Variants in SDK1 observed in about 807,000 individuals in gnomAD.
SDK1 encodes the protein sidekick cell adhesion molecule 1, also known as protein sidekick-1.
SDK1 carries 157 observed loss-of-function variants against 245.5 expected under a neutral mutation model. The observed-to-expected ratio is 0.64, with a 90% confidence interval of 0.56 to 0.73. The LOEUF is 0.73. Among genes scored for constraint, SDK1 ranks in the 30% least tolerant of loss-of-function variants. The probability of loss-of-function intolerance (pLI) is 0.00; values close to 1 mark genes in which losing one functional copy is unlikely to be tolerated. For synonymous variants in SDK1, 1,647 were observed against 1,278.5 expected, an observed-to-expected ratio of 1.29 and a Z score of -6.15; for missense variants, 3,583 against 3,002.3, an observed-to-expected ratio of 1.19 and a Z score of -4.52.
At chr7:3,346,736 TAC>T (rs1562430017) in intron 1 of SDK1, among the ~76,000 whole-genome samples, 1 of 140,250 alleles carries the variant, frequency 7.1e-6, no homozygotes, top group Non-Finnish European at 1.5e-5. Context: ...CATATATATA[TAC>T]ACGTATATAT....
intron 1 of SDK1, among the ~76,000 whole-genome samples, chr7:3,500,406 A>C (rs2128607921): frequency 6.6e-6 from 1 of 152,128 alleles, no homozygotes; most frequent in South Asian, 2.1e-4. Context: ...CCTCTTTCTT[A>C]GATTTACTGG....
At chr7:3,669,870 C>T (rs1161512900) in intron 4 of SDK1, among the ~76,000 whole-genome samples, 3 of 152,050 alleles carry the variant, frequency 2.0e-5, no homozygotes, top group Non-Finnish European at 4.4e-5. Context: ...CTTTTTTCTT[C>T]ATTGACCCTA....
intron 1 of SDK1, among the ~76,000 whole-genome samples, chr7:3,458,079 G>A (rs530033968): frequency 6.6e-6 from 1 of 151,988 alleles, no homozygotes; most frequent in Non-Finnish European, 1.5e-5. Context: ...TTTTTTGTGT[G>A]TGTGTGTTTT....
At chr7:4,041,451 C>A (rs183621985) in intron 17 of SDK1, among the ~76,000 whole-genome samples, 5 of 152,246 alleles carry the variant, frequency 3.3e-5, no homozygotes, top group African/African-American at 1.2e-4. Context: ...TACCTTGATA[C>A]ATCACTACCC....
At chr7:3,832,661 A>G (rs372158622) in intron 5 of SDK1, among the ~76,000 whole-genome samples, 10 of 152,216 alleles carry the variant, frequency 6.6e-5, no homozygotes, top group African/African-American at 1.9e-4. Context: ...AATGGAATTT[A>G]TATCAGAAAT....
chr7:3,906,545 A>G (rs7777325), intron 5 of SDK1, among the ~76,000 whole-genome samples: 3 of 149,952 alleles, frequency 2.0e-5, no homozygotes, highest in Non-Finnish European at 3.0e-5. Flanking sequence ...GCTGGTTTCA[A>G]TGGTTTAGAG....
intron 1 of SDK1, among the ~76,000 whole-genome samples, chr7:3,361,983 T>C (rs1780964947): frequency 6.6e-6 from 1 of 152,238 alleles, no homozygotes; most frequent in Non-Finnish European, 1.5e-5. Context: ...TATGTCTTGG[T>C]ACCACGCTTT....
chr7:3,838,493 C>T (rs1479149746), intron 5 of SDK1, among the ~76,000 whole-genome samples: 1 of 152,218 alleles, frequency 6.6e-6, no homozygotes, highest in Non-Finnish European at 1.5e-5. Flanking sequence ...GAGCACAAGG[C>T]TGGAGTCAGC....
chr7:3,579,935 T>A (rs1780427764), intron 1 of SDK1, among the ~76,000 whole-genome samples: 1 of 152,354 alleles, frequency 6.6e-6, no homozygotes, highest in Admixed American at 6.5e-5. Context: ...ATAAACAATT[T>A]CAGCAAAGTT....
At chr7:3,833,273 C>G (rs190335145) in intron 5 of SDK1, among the ~76,000 whole-genome samples, 1 of 152,086 alleles carries the variant, frequency 6.6e-6, no homozygotes, top group Non-Finnish European at 1.5e-5. Flanking sequence ...TGGCCCCGTG[C>G]GGTAGTTTGC....
chr7:3,381,183 A>G (rs570197420), intron 1 of SDK1, among the ~76,000 whole-genome samples: 4 of 152,262 alleles, frequency 2.6e-5, no homozygotes, highest in African/African-American at 7.2e-5. Context: ...AGAGACTGGC[A>G]GAAGAATAGG....
intron 1 of SDK1, among the ~76,000 whole-genome samples, chr7:3,313,387 C>T (rs544734911): frequency 8.5e-5 from 13 of 152,090 alleles, no homozygotes; most frequent in African/African-American, 2.7e-4. Flanking sequence ...AGCCTGGCGA[C>T]GGAGCGAGAC....
chr7:3,624,569 T>C (rs771485205), intron 2 of SDK1, among the ~76,000 whole-genome samples: 4 of 152,096 alleles, frequency 2.6e-5, no homozygotes, highest in Non-Finnish European at 5.9e-5. Flanking sequence ...CTAAAGCTCA[T>C]CTAGAAATGT....
chr7:4,143,359 C>T lies in SDK1; in HGVS notation c.4229-2363C>T, dbSNP rs547200317. Among the ~76,000 whole-genome samples the T allele has an allele frequency of 4.3e-4, 65 of 152,218 alleles. 1 individual carries two copies. The highest frequency in any genetic ancestry group is 1.5e-3 in the African/African-American group (62 of 41,520). On this transcript the variant is annotated intron_variant, in intron 28 of 44. Coordinates refer to ENST00000404826, the MANE Select transcript of SDK1 (RefSeq NM_152744.4). Reference sequence around the variant, plus strand: ...GCCAGCTGGAGGAGGGAGGAGAAGTCGTGACTGCAATTGTTTTATAATAAT... The same window carrying T: ...GCCAGCTGGAGGAGGGAGGAGAAGTTGTGACTGCAATTGTTTTATAATAAT...
intron 1 of SDK1, among the ~76,000 whole-genome samples, chr7:3,536,815 TA>T: frequency 6.6e-6 from 1 of 152,372 alleles, no homozygotes; most frequent in Non-Finnish European, 1.5e-5. Flanking sequence ...GTGTATTTAA[TA>T]TTTTTAACAA....
intron 7 of SDK1, among the ~76,000 whole-genome samples, chr7:3,957,741 G>A (rs529876778): frequency 1.3e-5 from 2 of 152,316 alleles, no homozygotes; most frequent in South Asian, 2.1e-4. Context: ...AATGGGGGAT[G>A]TATGAGTTGT....
chr7:3,696,523 A>G (rs1289266240), intron 4 of SDK1, among the ~76,000 whole-genome samples: 1 of 151,368 alleles, frequency 6.6e-6, no homozygotes, highest in Non-Finnish European at 1.5e-5. Context: ...GTGCTCTGTA[A>G]TATGTAGTCC....
intron 1 of SDK1, among the ~76,000 whole-genome samples, chr7:3,537,635 A>G (rs1176547010): frequency 6.6e-6 from 1 of 152,232 alleles, no homozygotes; most frequent in Non-Finnish European, 1.5e-5. Flanking sequence ...ATCAGGCAGC[A>G]GCTGTGAGTC....
chr7:3,501,781 C>T (rs925569805), intron 1 of SDK1, among the ~76,000 whole-genome samples: 4 of 152,102 alleles, frequency 2.6e-5, no homozygotes, highest in Non-Finnish European at 5.9e-5. Flanking sequence ...TTATGATGGA[C>T]TATCAGTATG....
Sources: allele counts gnomAD v4.1 joint callset (sites outside exome capture counted in the v4.1 genomes callset), GRCh38; gene constraint gnomAD v4.1.1; transcripts MANE v1.5; gene names NCBI Gene and HGNC (gene_info 2026-07-23, HGNC 2026-07-21).